Variants in SCRG1 observed in about 807,000 individuals in gnomAD.
SCRG1 encodes the protein stimulator of chondrogenesis 1, also known as scrapie-responsive protein 1.
In SCRG1, 3 loss-of-function variants were observed where a neutral mutation model predicts 7.7. That is an observed-to-expected ratio of 0.39 (90% CI 0.18 to 1.01). SCRG1 has a LOEUF of 1.01. Among genes scored for constraint, SCRG1 ranks in the 50% least tolerant of loss-of-function variants. The pLI is 0.36. For synonymous variants in SCRG1, 46 were observed against 41.2 expected (o/e 1.12, Z -0.44); for missense variants, 110 against 117.2 (o/e 0.94, Z 0.28).
the SCRG1 span, among the ~76,000 whole-genome samples, chr4:173,448,128 CA>C: frequency 5.9e-5 from 9 of 152,140 alleles, no homozygotes; most frequent in Non-Finnish European, 1.3e-4. Context: ...CCAAACAAAC[CA>C]AAAAAACCCA....
At chr4:173,410,280 A>G (rs919582257), upstream of SCRG1, among the ~76,000 whole-genome samples, 1 of 152,214 alleles carries the variant, frequency 6.6e-6, no homozygotes, top group Admixed American at 6.5e-5. Flanking sequence ...TGTCATGTTT[A>G]GGGAACAGTG....
At chr4:173,417,071 A>G in the SCRG1 span, among the ~76,000 whole-genome samples, 2 of 149,440 alleles carry the variant, frequency 1.3e-5, no homozygotes, top group Admixed American at 1.3e-4. Flanking sequence ...TTCACACACA[A>G]CACAAACACA....
chr4:173,431,928 T>G, the SCRG1 span, among the ~76,000 whole-genome samples: 7 of 152,214 alleles, frequency 4.6e-5, no homozygotes, highest in African/African-American at 1.7e-4. Context: ...TGGTACCTGT[T>G]TTTTGATAAG....
At chr4:173,438,620 T>G in the SCRG1 span, among the ~76,000 whole-genome samples, 10 of 152,102 alleles carry the variant, frequency 6.6e-5, no homozygotes, top group Admixed American at 2.0e-4. Flanking sequence ...TAACAAACAT[T>G]GAGAAGAAAG....
At chr4:173,459,667 T>C in the SCRG1 span, among the ~76,000 whole-genome samples, 2 of 152,018 alleles carry the variant, frequency 1.3e-5, no homozygotes, top group South Asian at 4.1e-4. Context: ...AGTAAGGAGA[T>C]TTCAAATAAA....
intron 1 of SCRG1, among the ~76,000 whole-genome samples, chr4:173,395,156 G>A (rs1374825012): frequency 6.6e-5 from 10 of 151,990 alleles, no homozygotes; most frequent in African/African-American, 9.7e-5. Flanking sequence ...TTCTTTCATA[G>A]CGCCCTTTCT....
At chr4:173,462,470 C>CA in the SCRG1 span, among the ~76,000 whole-genome samples, 2 of 152,106 alleles carry the variant, frequency 1.3e-5, no homozygotes, top group Admixed American at 6.5e-5. Flanking sequence ...AAATATCCTT[C>CA]AAACGTGAAG....
chr4:173,478,046 A>G, the SCRG1 span, among the ~76,000 whole-genome samples: 1 of 152,264 alleles, frequency 6.6e-6, no homozygotes, highest in East Asian at 1.9e-4. Context: ...CTGGGATCCA[A>G]CTGGATTTTG....
At chr4:173,450,976 G>A in the SCRG1 span, among the ~76,000 whole-genome samples, 1 of 152,094 alleles carries the variant, frequency 6.6e-6, no homozygotes, top group East Asian at 1.9e-4. Context: ...AGTAGGAAGG[G>A]GGAGGAGCTA....
At chr4:173,435,118 ATGTGTGTGTGTG>A in the SCRG1 span, among the ~76,000 whole-genome samples, 10 of 151,408 alleles carry the variant, frequency 6.6e-5, no homozygotes, top group South Asian at 4.2e-4. Flanking sequence ...ATATATATCT[ATGTGTGTGTGTG>A]TGTGTGTGTG....
chr4:173,452,954 A>T, the SCRG1 span, among the ~76,000 whole-genome samples: 4 of 152,224 alleles, frequency 2.6e-5, no homozygotes, highest in Admixed American at 6.5e-5. Context: ...GAACTGTGAA[A>T]GGTCTGAGAT....
chr4:173,389,077 A>G (rs1346595844), intron 2 of SCRG1, among the ~76,000 whole-genome samples: 4 of 152,196 alleles, frequency 2.6e-5, no homozygotes, highest in Non-Finnish European at 5.9e-5. Flanking sequence ...AAAAAAAAGC[A>G]AACATGGCAT....
At chr4:173,518,688 G>A in the SCRG1 span, among the ~76,000 whole-genome samples, 1 of 152,098 alleles carries the variant, frequency 6.6e-6, no homozygotes, top group African/African-American at 2.4e-5. Flanking sequence ...CAATCCCAGC[G>A]GTTAGCCCCT....
chr4:173,425,218 C>G, the SCRG1 span, among the ~76,000 whole-genome samples: 1 of 152,118 alleles, frequency 6.6e-6, no homozygotes, highest in East Asian at 1.9e-4. Flanking sequence ...GGCAGAGTTA[C>G]CAGTAAGTTG....
the SCRG1 span, among the ~76,000 whole-genome samples, chr4:173,515,565 G>C: frequency 6.8e-6 from 1 of 146,244 alleles, no homozygotes; most frequent in Non-Finnish European, 1.5e-5. This position sits in a 1 kb window ranked among gnomAD's most constrained non-coding sequence, Gnocchi z 4.6. Flanking sequence ...ATGAGAGAGG[G>C]AAAGAGGTGT....
the SCRG1 span, among the ~76,000 whole-genome samples, chr4:173,494,373 ATTCCGTT>A: frequency 4.6e-5 from 7 of 152,320 alleles, no homozygotes; most frequent in Non-Finnish European, 1.0e-4. Flanking sequence ...CACACAGGAC[ATTCCGTT>A]TTCCTTTAGG....
the SCRG1 span, among the ~76,000 whole-genome samples, chr4:173,500,057 G>C: frequency 6.6e-6 from 1 of 152,206 alleles, no homozygotes; most frequent in Non-Finnish European, 1.5e-5. Flanking sequence ...CCTGCCACCG[G>C]TTAGCTCCCC....
the SCRG1 span, among the ~76,000 whole-genome samples, chr4:173,447,729 T>G: frequency 3.9e-5 from 6 of 152,184 alleles, no homozygotes; most frequent in Non-Finnish European, 8.8e-5. Flanking sequence ...ACAGTGTACA[T>G]GTTTTTAATA....
the SCRG1 span, among the ~76,000 whole-genome samples, chr4:173,441,194 T>C: frequency 6.6e-6 from 1 of 152,108 alleles, no homozygotes; most frequent in South Asian, 2.1e-4. Context: ...AGAAATAAGA[T>C]GGTTCATCAC....
Sources: allele counts gnomAD v4.1 joint callset (sites outside exome capture counted in the v4.1 genomes callset), GRCh38; gene constraint gnomAD v4.1.1; non-coding constraint Gnocchi (gnomAD v3.1); transcripts MANE v1.5; gene names NCBI Gene and HGNC (gene_info 2026-07-23, HGNC 2026-07-21).